The following SGK3 variants were observed in gnomAD, a reference collection of about 807,000 sequenced individuals.
The protein encoded by SGK3 is serine/threonine-protein kinase Sgk3.
Under a neutral mutation model 68.5 loss-of-function variants are expected in SGK3, and 47 were observed. That is an observed-to-expected ratio of 0.69 (90% CI 0.54 to 0.87). SGK3 has a LOEUF of 0.87. Ranked by LOEUF, SGK3 falls within the 40% of genes least tolerant of loss-of-function variation. The pLI is 0.00. For synonymous variants in SGK3, 181 were observed against 189.1 expected (o/e 0.96, Z 0.35); for missense variants, 479 against 575.5 (o/e 0.83, Z 1.72).
chr8:66,734,133 G>A (rs745530221), intron 1 of SGK3, among the ~76,000 whole-genome samples: 3 of 152,040 alleles, frequency 2.0e-5, no homozygotes, highest in African/African-American at 7.2e-5. Flanking sequence ...AGAAACTATC[G>A]CTGCTTTTTG....
At chr8:66,774,408 C>T (rs1474730664) in intron 1 of SGK3, among the ~76,000 whole-genome samples, 3 of 152,102 alleles carry the variant, frequency 2.0e-5, no homozygotes, top group African/African-American at 7.2e-5. Flanking sequence ...AGTGATCTTC[C>T]TGACTCAGCC....
chr8:66,832,152 G>A (rs1420513456), intron 8 of SGK3, among the ~76,000 whole-genome samples: 1 of 152,126 alleles, frequency 6.6e-6, no homozygotes, highest in Non-Finnish European at 1.5e-5. Flanking sequence ...GGAAACGAAT[G>A]TGTAAAGACC....
At chr8:66,831,420 C>A in intron 8 of SGK3, 109 bp downstream of exon 8, 3 of 1,311,208 alleles carry the variant, frequency 2.3e-6, no homozygotes, top group Non-Finnish European at 3.2e-6. Flanking sequence ...AGTCATAGCA[C>A]ACTTGAACTC....
chr8:66,748,226 C>A, intron 1 of SGK3, among the ~76,000 whole-genome samples: 1 of 152,156 alleles, frequency 6.6e-6, no homozygotes, highest in South Asian at 2.1e-4. Flanking sequence ...TAAATCCTTT[C>A]TTCTCATTCT....
chr8:66,772,306 T>C (rs957687719), intron 1 of SGK3, among the ~76,000 whole-genome samples: 1 of 150,234 alleles, frequency 6.7e-6, no homozygotes, highest in African/African-American at 2.5e-5. Flanking sequence ...GCGGCTGCTC[T>C]CGAACACCAA....
At chr8:66,806,415 C>A (rs540130975) in intron 4 of SGK3, among the ~76,000 whole-genome samples, 110 of 152,198 alleles carry the variant, frequency 7.2e-4, no homozygotes, top group Non-Finnish European at 1.1e-3. Context: ...TAAAGAGAAG[C>A]AAGAGAAAAT....
chr8:66,783,885 C>T (rs1445912568), intron 1 of SGK3, among the ~76,000 whole-genome samples: 1 of 151,638 alleles, frequency 6.6e-6, no homozygotes. Flanking sequence ...TTTTTGTTGT[C>T]GTTGTTTGTT....
At chr8:66,840,333 G>A in intron 12 of SGK3, 86 bp downstream of exon 12, 2 of 1,245,434 alleles carry the variant, frequency 1.6e-6, no homozygotes, top group Non-Finnish European at 2.2e-6. Context: ...CAGAGATTCT[G>A]TACTGCGTTA....
intron 1 of SGK3, among the ~76,000 whole-genome samples, chr8:66,786,469 T>C (rs1306171741): frequency 2.0e-5 from 3 of 152,178 alleles, no homozygotes; most frequent in Non-Finnish European, 4.4e-5. Context: ...AGCCACTAAG[T>C]ATTATTAGGT....
At chr8:66,758,677 A>G (rs1449830248) in intron 1 of SGK3, among the ~76,000 whole-genome samples, 1 of 152,134 alleles carries the variant, frequency 6.6e-6, no homozygotes, top group African/African-American at 2.4e-5. Flanking sequence ...TGGATCCTGA[A>G]TCCATATTAA....
In SGK3 at chr8:66,740,511, C is replaced by T. The variant is rs188248164; in HGVS notation, c.-122+27678C>T. On this transcript the variant is annotated intron_variant, in intron 1 of 16. Coordinates refer to ENST00000521198, the MANE Select transcript of SGK3 (RefSeq NM_001033578.3). ...CAGTTCATGGAACATAGTAACACCT[C>T]AAATATATTTGTTGAGCTAATGAAT... 3.3e-3 allele frequency among the ~76,000 whole-genome samples: 506 copies of T among 152,260 alleles called. 5 individuals are homozygous for T. The highest frequency in any genetic ancestry group is 0.012 in the African/African-American group (491 of 41,564).
chr8:66,727,029 T>G (rs1382714027), intron 1 of SGK3, among the ~76,000 whole-genome samples: 1 of 152,058 alleles, frequency 6.6e-6, no homozygotes, highest in Non-Finnish European at 1.5e-5. Context: ...AGCAATAATT[T>G]TGTTGATTTT....
At chr8:66,774,042 TAGAC>T (rs1250304354) in intron 1 of SGK3, among the ~76,000 whole-genome samples, 1 of 152,186 alleles carries the variant, frequency 6.6e-6, no homozygotes, top group Non-Finnish European at 1.5e-5. Flanking sequence ...GGCTCCTGAC[TAGAC>T]AATACTTCCC....
chr8:66,816,979 A>C (rs1334280753), intron 5 of SGK3, among the ~76,000 whole-genome samples: 4 of 151,944 alleles, frequency 2.6e-5, no homozygotes, highest in African/African-American at 9.7e-5. Context: ...TACAGGTGTG[A>C]GCCACTACAC....
intron 1 of SGK3, among the ~76,000 whole-genome samples, chr8:66,741,017 A>T (rs1805463977): frequency 6.6e-6 from 1 of 151,822 alleles, no homozygotes; most frequent in Non-Finnish European, 1.5e-5. Flanking sequence ...GCCCTGTTTT[A>T]ATTGCATGCC....
At chr8:66,784,211 T>C (rs1807108040) in intron 1 of SGK3, among the ~76,000 whole-genome samples, 1 of 152,170 alleles carries the variant, frequency 6.6e-6, no homozygotes, top group Non-Finnish European at 1.5e-5. Flanking sequence ...CTTTTGCAAT[T>C]TATGTGCATG....
chr8:66,843,257 G>A (rs1331525488), intron 13 of SGK3, among the ~76,000 whole-genome samples, 195 bp from the exon 14 acceptor site: 2 of 152,130 alleles, frequency 1.3e-5, no homozygotes, highest in African/African-American at 4.8e-5. Context: ...CAGAATACAT[G>A]TATTGTGAAG....
At chr8:66,801,668 T>TCA (rs1807951648) in intron 3 of SGK3, among the ~76,000 whole-genome samples, 1 of 150,938 alleles carries the variant, frequency 6.6e-6, no homozygotes, top group Non-Finnish European at 1.5e-5. Context: ...TCTCTCTCTC[T>TCA]CTCACACACA....
chr8:66,779,012 C>T (rs982577739), intron 1 of SGK3, among the ~76,000 whole-genome samples: 1 of 152,086 alleles, frequency 6.6e-6, no homozygotes, highest in Non-Finnish European at 1.5e-5. Context: ...ACTGAAGATT[C>T]TCTTTCTCTC....
Sources: gnomAD v4.1 joint callset for allele counts (sites outside exome capture counted in the v4.1 genomes callset) on GRCh38, gnomAD v4.1.1 for gene constraint, MANE v1.5 for transcripts, NCBI Gene and HGNC (gene_info 2026-07-23, HGNC 2026-07-21) for gene names.